The following FNDC8 variants were observed in gnomAD, a reference collection of about 807,000 sequenced individuals.
The protein encoded by FNDC8 is fibronectin type III domain-containing protein 8.
In FNDC8, 23 loss-of-function variants were observed where a neutral mutation model predicts 24.8. The observed-to-expected ratio is 0.93, with a 90% CI of 0.67 to 1.31. FNDC8 has a LOEUF of 1.31. Ranked by LOEUF, FNDC8 falls within the 40% of genes most tolerant of loss-of-function variation. The probability of loss-of-function intolerance (pLI) is 0.00; values close to 1 mark genes in which losing one functional copy is unlikely to be tolerated. For missense variants in FNDC8, 371 were observed against 398.2 expected (o/e 0.93, Z 0.58); for synonymous variants, 158 against 165.3 (o/e 0.96, Z 0.34).
chr17:35,125,744 GTC>G (rs2142491427), intron 1 of FNDC8, among the ~76,000 whole-genome samples: 1 of 152,318 alleles, frequency 6.6e-6, no homozygotes, highest in East Asian at 1.9e-4. Flanking sequence ...AGACAGAAGT[GTC>G]TGGGGGGCTT....
At chr17:35,128,046 T>C (rs2091855956) in intron 2 of FNDC8, among the ~76,000 whole-genome samples, 1 of 152,256 alleles carries the variant, frequency 6.6e-6, no homozygotes, top group Non-Finnish European at 1.5e-5. Flanking sequence ...TGGGGAATGT[T>C]AGTCTGGGAT....
chr17:35,129,404 G>T lies in FNDC8; in HGVS notation c.586-18G>T, dbSNP rs749496434. On this transcript the variant is annotated intron_variant, in intron 2 of 3. Transcript: ENST00000158009. ...CAGGACATATCTGAGGAAGCCTCGGGGCTCTCTCTTCCCCTAGATTTCCTG... is the reference window on the plus strand; with the variant it reads ...CAGGACATATCTGAGGAAGCCTCGGTGCTCTCTCTTCCCCTAGATTTCCTG... The T allele has an allele frequency of 1.1e-5, 17 of 1,610,754 alleles. No individual in the cohort carries two copies. The highest frequency in any genetic ancestry group is 1.3e-5 in the African/African-American group (1 of 74,804).
In FNDC8 at chr17:35,129,943, T is replaced by C; in HGVS notation, c.822+285T>C. The stretch of plus-strand genomic sequence containing the variant: ...TTTAGACTCTGCAATTCAGTGCCCA[T>C]GATTGTGAGTAGGCTGGGAAGTCAA... On this transcript the variant is annotated intron_variant, in intron 3 of 3. Transcript: ENST00000158009. 4.4e-6 allele frequency: 6 copies of C among 1,371,930 alleles called. No individual in the cohort carries two copies. The South Asian group carries it at 8.4e-5, about 19-fold the overall frequency. 85.0% of individuals were successfully genotyped at this position (1,371,930 alleles called of 1,614,324 possible). A position where few individuals can be genotyped will look rare whatever the true frequency, so the allele number is the denominator to read the frequency against.
At chr17:35,125,072 GT>G (rs1188072193) in intron 1 of FNDC8, among the ~76,000 whole-genome samples, 3 of 149,446 alleles carry the variant, frequency 2.0e-5, no homozygotes, top group African/African-American at 7.4e-5. Context: ...AGAAAAAAGA[GT>G]AAAAACAGAA....
intron 3 of FNDC8, chr17:35,129,996 G>A: frequency 2.2e-6 from 3 of 1,378,354 alleles, no homozygotes; most frequent in African/African-American, 1.4e-5. Context: ...GGGAAGACAA[G>A]AGGCTAAAGG....
At chr17:35,123,844 C>G (rs1364565148) in intron 1 of FNDC8, among the ~76,000 whole-genome samples, 3 of 152,176 alleles carry the variant, frequency 2.0e-5, no homozygotes, top group East Asian at 1.9e-4. Flanking sequence ...TTGTGAACAT[C>G]AGGAGGAGGA....
intron 3 of FNDC8, 24 bp downstream of exon 3, chr17:35,129,682 CT>C: frequency 6.2e-7 from 1 of 1,608,422 alleles, no homozygotes; most frequent in Non-Finnish European, 8.5e-7. Flanking sequence ...AAAGAGGGGC[CT>C]TGGGGGTGGA....
chr17:35,126,990 G>A (rs1249955204), intron 1 of FNDC8, 52 bp from the exon 2 acceptor site: 26 of 1,529,804 alleles, frequency 1.7e-5, no homozygotes, highest in Admixed American at 1.3e-4. Context: ...CAGGTGGAAC[G>A]GGCTGGGGTG....
Position 35,130,682 on chromosome 17 carries a change from A to C in FNDC8, c.*248A>C. 1 of 505,440 alleles carries C rather than the reference A, an allele frequency of 2.0e-6. No individual in the cohort carries two copies. The highest frequency in any genetic ancestry group is 3.5e-6 in the Non-Finnish European group (1 of 282,476). The allele number at this position is 505,440 out of a possible 1,614,324, so 31.3% of individuals were successfully genotyped here. The stretch of plus-strand genomic sequence containing the variant: ...AGCTGCTAGACTCCCTCCTCCTCCA[A>C]ATCTGGGCTGGGTCTAGGTCCCTCA... On this transcript the variant is annotated 3_prime_UTR_variant, in exon 4 of 4. Coordinates refer to ENST00000158009, the MANE Select transcript of FNDC8 (RefSeq NM_017559.4).
rs199832586 is a variant in FNDC8, at chr17:35,121,786, G to A, written c.93G>A (p.Leu31=). Residue 31 remains leucine, a synonymous_variant, in exon 1 of 4, where the codon CTG becomes CTA. Transcript: ENST00000158009. Reference sequence around the variant, plus strand: ...ACATGATGAATGCCCTTGACCAACTGCCAAAACCCTTTTCAAACCCCAAGT... The same window carrying A: ...ACATGATGAATGCCCTTGACCAACTACCAAAACCCTTTTCAAACCCCAAGT... The part of the protein sequence containing the change: ...NFNMMNALDQ[L]PKPFSNPKSM... The A allele has an allele frequency of 6.2e-5, 100 of 1,613,548 alleles. 2 individuals carry two copies. The Admixed American group carries it at 1.1e-3, about 17-fold the overall frequency.
chr17:35,123,616 T>C (rs1465818596), intron 1 of FNDC8, among the ~76,000 whole-genome samples: 1 of 152,124 alleles, frequency 6.6e-6, no homozygotes, highest in East Asian at 1.9e-4. Flanking sequence ...CACGCACCTG[T>C]TGTCCCAGCT....
intron 1 of FNDC8, among the ~76,000 whole-genome samples, chr17:35,122,400 T>C (rs2091833350): frequency 1.3e-5 from 2 of 151,384 alleles, no homozygotes; most frequent in South Asian, 4.2e-4. Context: ...TATACTTCCC[T>C]GACTTGTCAC....
chr17:35,129,840 A>C (rs2091865797), intron 3 of FNDC8, 182 bp downstream of exon 3: 5 of 1,427,214 alleles, frequency 3.5e-6, no homozygotes, highest in Non-Finnish European at 4.6e-6. Flanking sequence ...GGATTAAGCC[A>C]CTCTGGGGCC....
chr17:35,121,884 A>G lies in FNDC8; in HGVS notation c.191A>G (p.Asp64Gly). 1 of 1,612,384 alleles carries G rather than the reference A, an allele frequency of 6.2e-7. No homozygotes were observed. The highest frequency in any genetic ancestry group is 8.5e-7 in the Non-Finnish European group (1 of 1,179,358). The change falls in exon 1 of 4, where the codon GAT becomes GGT. Residue 64 changes from aspartate to glycine, a missense_variant. By Grantham distance (94) the Asp-to-Gly change is moderately conservative. Transcript: ENST00000158009. Reference sequence around the variant, plus strand: ...GGCAATTTGGTCAACTTCTTGGAGGATGATACCATCAACCTACTGTAAGTC... The same window carrying G: ...GGCAATTTGGTCAACTTCTTGGAGGGTGATACCATCAACCTACTGTAAGTC... The part of the protein sequence containing the change: ...SKGNLVNFLE[D>G]DTINLLKPLP...
intron 3 of FNDC8, chr17:35,130,019 G>A (rs1190907539): frequency 3.6e-6 from 5 of 1,385,436 alleles, no homozygotes; most frequent in Non-Finnish European, 9.3e-7. Flanking sequence ...GACGAAGAAG[G>A]GAACAGCCTG....
At chr17:35,127,474 G>T in intron 2 of FNDC8, 57 bp downstream of exon 2, 2 of 1,488,902 alleles carry the variant, frequency 1.3e-6, no homozygotes, top group East Asian at 2.3e-5. Flanking sequence ...GCACTGAGCT[G>T]AGCTCCATGG....
intron 2 of FNDC8, 72 bp from the exon 3 acceptor site, chr17:35,129,350 C>T (rs1217107181): frequency 8.3e-6 from 13 of 1,563,624 alleles, no homozygotes; most frequent in Non-Finnish European, 1.0e-5. Flanking sequence ...GTCCTGACCC[C>T]AGTTGGGAGG....
Position 35,121,784 on chromosome 17 carries a change from C to A in FNDC8, c.91C>A (p.Leu31Met), listed in dbSNP as rs2142486572. ...CAACATGATGAATGCCCTTGACCAACTGCCAAAACCCTTTTCAAACCCCAA... is the reference window on the plus strand; with the variant it reads ...CAACATGATGAATGCCCTTGACCAAATGCCAAAACCCTTTTCAAACCCCAA... Reference protein sequence around the residue: ...NFNMMNALDQLPKPFSNPKSM... With the variant: ...NFNMMNALDQMPKPFSNPKSM... The change falls in exon 1 of 4, where the codon CTG (leucine) becomes ATG (methionine). Residue 31 changes from leucine to methionine, a missense_variant. Physicochemically the swap from Leu to Met is conservative, Grantham distance 15. Transcript: ENST00000158009. 6.2e-7 allele frequency: 1 copy of A among 1,613,672 alleles called. No individual in the cohort carries two copies. The highest frequency in any genetic ancestry group is 8.5e-7 in the Non-Finnish European group (1 of 1,179,700).
rs2091870129 is a variant in FNDC8 at position 35,130,451 on chromosome 17, A to G, written c.*17A>G. 3 of 1,610,208 alleles carry G rather than the reference A, an allele frequency of 1.9e-6. No individual in the cohort carries two copies. The highest frequency in any genetic ancestry group is 2.5e-6 in the Non-Finnish European group (3 of 1,178,226). ...CCCTGTTAAGGGGGAGGGCCCCAGG[A>G]CACCCCTCACCTACTTTCAGCTTCA... On this transcript the variant is annotated 3_prime_UTR_variant, in exon 4 of 4. Coordinates refer to ENST00000158009, the MANE Select transcript of FNDC8 (RefSeq NM_017559.4).
Sources: allele counts gnomAD v4.1 joint callset (sites outside exome capture counted in the v4.1 genomes callset), GRCh38; gene constraint gnomAD v4.1.1; transcripts MANE v1.5; gene names NCBI Gene and HGNC (gene_info 2026-07-23, HGNC 2026-07-21).